NARF: variants seen among roughly 807,000 people sequenced by gnomAD.
NARF encodes nuclear prelamin A recognition factor.
NARF carries 41 observed loss-of-function variants against 48.0 expected under a neutral mutation model. That is an observed-to-expected ratio of 0.85 (90% CI 0.66 to 1.11). The LOEUF is 1.11. Ranked by LOEUF, NARF falls within the 50% of genes least tolerant of loss-of-function variation. NARF has a pLI of 0.00. For synonymous variants in NARF, 215 were observed against 225.5 expected (o/e 0.95, Z 0.42); for missense variants, 613 against 590.2 (o/e 1.04, Z -0.40).
At chr17:82,483,616 G>T in intron 7 of NARF, 100 bp from the exon 8 acceptor site, 4 of 1,047,328 alleles carry the variant, frequency 3.8e-6, no homozygotes, top group Non-Finnish European at 5.9e-6. Flanking sequence ...TTCATAAGAG[G>T]GAGGTCACCC....
At chr17:82,474,820 C>T (rs1340850414) in intron 5 of NARF, among the ~76,000 whole-genome samples, 1 of 152,190 alleles carries the variant, frequency 6.6e-6, no homozygotes. Flanking sequence ...CTGTATCGTT[C>T]ACCAGCAACC....
chr17:82,487,353 A>G (rs2044118402), intron 10 of NARF, among the ~76,000 whole-genome samples: 2 of 151,964 alleles, frequency 1.3e-5, no homozygotes, highest in Non-Finnish European at 2.9e-5. Context: ...GCGTGGTGGC[A>G]CACACCTGTA....
chr17:82,472,525 G>C (rs375122948), intron 4 of NARF, 39 bp from the exon 5 acceptor site: 3 of 1,542,442 alleles, frequency 1.9e-6, no homozygotes, highest in African/African-American at 2.8e-5. Context: ...AGATCTTTTA[G>C]TACGTGATTT....
In NARF at chr17:82,488,975, T is replaced by G. The variant is rs776686476; in HGVS notation, c.*818T>G. On this transcript the variant is annotated 3_prime_UTR_variant, in exon 11 of 11. Transcript: ENST00000309794. ...CCCAGATCCCTGCCCATTTTGGCTC[T>G]TTCTTTTACCCACTCATATTTTCCT... The G allele has an allele frequency of 3.3e-5, 5 of 152,556 alleles. No homozygotes were observed. The highest frequency in any genetic ancestry group is 5.9e-5 in the Non-Finnish European group (4 of 68,214). 9.5% of individuals were successfully genotyped at this position (152,556 alleles called of 1,614,324 possible). A position where few individuals can be genotyped will look rare whatever the true frequency, so the allele number is the denominator to read the frequency against.
At chr17:82,467,078 ACT>A (rs1341623312) in intron 3 of NARF, among the ~76,000 whole-genome samples, 2 of 149,042 alleles carry the variant, frequency 1.3e-5, no homozygotes, top group Admixed American at 6.7e-5. Flanking sequence ...ATGGAGTCTC[ACT>A]CTGTCGCCCA....
At chr17:82,477,239 C>CA (rs2043853741) in intron 5 of NARF, 1 of 151,870 alleles carries the variant, frequency 6.6e-6, no homozygotes, top group African/African-American at 2.4e-5. Flanking sequence ...CAGGGTGGCT[C>CA]ACGCCTGTAA....
At chr17:82,468,312 T>G (rs559263224) in intron 3 of NARF, among the ~76,000 whole-genome samples, 40 of 151,506 alleles carry the variant, frequency 2.6e-4, no homozygotes, top group Admixed American at 2.0e-3. Context: ...ACTCTGTTTT[T>G]TTTTTTTTTT....
intron 1 of NARF, chr17:82,459,054 T>C (rs556267318): frequency 3.8e-5 from 46 of 1,204,206 alleles, no homozygotes; most frequent in Non-Finnish European, 4.6e-5. Flanking sequence ...AACTTGTCCA[T>C]CTTTCCCACG....
At chr17:82,465,565 A>G (rs1216979545) in intron 3 of NARF, among the ~76,000 whole-genome samples, 2 of 152,134 alleles carry the variant, frequency 1.3e-5, no homozygotes, top group East Asian at 1.9e-4. Context: ...GTCATCCAGC[A>G]GCAATTAGAT....
rs371797405 is a variant in NARF at position 82,460,048 on chromosome 17, G to A, written c.84G>A (p.Pro28=). Residue 28 remains proline (P), a synonymous_variant, in exon 2 of 11, where the codon CCG becomes CCA. Transcript: ENST00000309794. ...DDQENVSADA[P]SPAQENGEKG... ...AAGAGAATGTGTCAGCCGATGCACC[G>A]AGTCCAGCCCAGGAAAATGGAGAGG... The A allele has an allele frequency of 1.2e-6, 2 of 1,613,940 alleles. No individual in the cohort carries two copies. Among genetic ancestry groups the A allele is most frequent in the Non-Finnish European group, 1.7e-6 (2 of 1,179,902 alleles).
At position 82,458,759 on chromosome 17, in the gene NARF, T is replaced by C; in HGVS notation, c.-45T>C. 6.8e-7 allele frequency: 1 copy of C among 1,479,584 alleles called. No homozygotes were observed. The highest frequency in any genetic ancestry group is 8.9e-7 in the Non-Finnish European group (1 of 1,121,020). 91.7% of individuals were successfully genotyped at this position (1,479,584 alleles called of 1,614,324 possible). ...CAGTGGTGTCCCAGTCTCCCGGTGC[T>C]TCCCTGAGGCTGAGGCGCCCGGCCT... is the stretch of plus-strand genomic sequence containing the variant. On this transcript the variant is annotated 5_prime_UTR_variant, in exon 1 of 11. Transcript: ENST00000309794.
chr17:82,481,554 C>T (rs1290707066), intron 7 of NARF, among the ~76,000 whole-genome samples: 1 of 152,024 alleles, frequency 6.6e-6, no homozygotes, highest in Non-Finnish European at 1.5e-5. Context: ...CATGGAGAAA[C>T]CCCGTCTCTA....
intron 8 of NARF, 43 bp downstream of exon 8, chr17:82,483,822 T>A: frequency 1.3e-6 from 2 of 1,588,256 alleles, no homozygotes; most frequent in Non-Finnish European, 1.7e-6. Flanking sequence ...GGGCAGGACC[T>A]CTCGTCAGCC....
intron 5 of NARF, chr17:82,477,056 A>T (rs1025137678): frequency 1.3e-5 from 2 of 151,994 alleles, no homozygotes; most frequent in African/African-American, 4.8e-5. Flanking sequence ...GCAGGATCTT[A>T]CTTTGTTGCC....
intron 5 of NARF, 109 bp downstream of exon 5, chr17:82,472,807 C>G: frequency 7.4e-7 from 1 of 1,345,570 alleles, no homozygotes; most frequent in Non-Finnish European, 9.9e-7. Context: ...CCCACCCAGC[C>G]TTGTAGACCA....
At chr17:82,465,979 G>C (rs186961636) in intron 3 of NARF, among the ~76,000 whole-genome samples, 2 of 152,332 alleles carry the variant, frequency 1.3e-5, no homozygotes, top group Admixed American at 1.3e-4. Flanking sequence ...CAAGCAGCAG[G>C]CTGCCTGGAT....
intron 3 of NARF, among the ~76,000 whole-genome samples, chr17:82,467,779 C>T (rs903080988): frequency 9.9e-5 from 15 of 152,144 alleles, no homozygotes; most frequent in African/African-American, 2.9e-4. Context: ...TCTGGGATTA[C>T]AGGTATGAGC....
At chr17:82,467,638 G>T (rs2043601084) in intron 3 of NARF, among the ~76,000 whole-genome samples, 1 of 152,114 alleles carries the variant, frequency 6.6e-6, no homozygotes, top group South Asian at 2.1e-4. Context: ...CCGAGTAGCT[G>T]GGATTACAGG....
At chr17:82,463,975 G>A (rs902201366) in intron 2 of NARF, 3 of 271,572 alleles carry the variant, frequency 1.1e-5, no homozygotes, top group African/African-American at 4.4e-5. Context: ...TCTAGCAGTG[G>A]GGTGAGCTTC....
Sources: allele counts gnomAD v4.1 joint callset (sites outside exome capture counted in the v4.1 genomes callset), GRCh38; gene constraint gnomAD v4.1.1; transcripts MANE v1.5; gene names NCBI Gene and HGNC (gene_info 2026-07-23, HGNC 2026-07-21).